The following PFKL variants were observed in gnomAD, a reference collection of about 807,000 sequenced individuals.
The protein encoded by PFKL is ATP-dependent 6-phosphofructokinase, liver type.
PFKL carries 74 observed loss-of-function variants against 92.1 expected under a neutral mutation model. The observed-to-expected ratio is 0.80, with a 90% confidence interval of 0.67 to 0.97. The LOEUF (loss-of-function observed/expected upper bound fraction) is 0.97. Ranked by LOEUF, PFKL falls within the 50% of genes least tolerant of loss-of-function variation. PFKL has a pLI of 0.00. For missense variants in PFKL, 1,028 were observed against 1,116.6 expected (o/e 0.92, Z 1.13); for synonymous variants, 494 against 456.4 (o/e 1.08, Z -1.05).
At chr21:44,305,502 G>A (rs375088662) in intron 1 of PFKL, 28 of 1,172,928 alleles carry the variant, frequency 2.4e-5, no homozygotes, top group South Asian at 2.6e-5. Context: ...CAGAGGACCC[G>A]CATGGCTTAG....
At chr21:44,305,634 C>T (rs1972268) in intron 1 of PFKL, among the ~76,000 whole-genome samples, 49,448 of 151,902 alleles carry the variant, frequency 0.33, 8,382 homozygotes, top group East Asian at 0.62. Flanking sequence ...GGACCCTGGC[C>T]GCTGGCGTGG....
intron 2 of PFKL, among the ~76,000 whole-genome samples, chr21:44,308,386 C>T (rs186679548): frequency 1.3e-5 from 2 of 152,062 alleles, no homozygotes; most frequent in Non-Finnish European, 2.9e-5. Context: ...GGAAGACTTC[C>T]CCTCCGTCCC....
chr21:44,325,741 A>T, intron 19 of PFKL: 1 of 568,776 alleles, frequency 1.8e-6, no homozygotes, highest in Non-Finnish European at 3.1e-6. Context: ...GGGGCAGCCG[A>T]CTGCCGGCCT....
Position 44,306,001 on chromosome 21 carries a change from T to G in PFKL, c.86-680T>G, listed in dbSNP as rs939818918. On this transcript the variant is annotated intron_variant, in intron 1 of 21. Transcript: ENST00000349048. Reference sequence around the variant, plus strand: ...CCTGGGTGGCTGAGGCCGGAGGGGCTCTGTTCTCAGTCCCCCATCTCATTG... The same window carrying G: ...CCTGGGTGGCTGAGGCCGGAGGGGCGCTGTTCTCAGTCCCCCATCTCATTG... The G allele has an allele frequency of 1.6e-5, 19 of 1,172,752 alleles. No individual in the cohort carries two copies. The African/African-American group carries it at 4.5e-4, about 28-fold the overall frequency. The allele number at this position is 1,172,752 out of a possible 1,614,324, so 72.6% of individuals were successfully genotyped here. A position where few individuals can be genotyped will look rare whatever the true frequency, so the allele number is the denominator to read the frequency against.
chr21:44,322,312 C>T, intron 14 of PFKL, 109 bp downstream of exon 14: 5 of 1,006,044 alleles, frequency 5.0e-6, no homozygotes, highest in Non-Finnish European at 7.2e-6. Context: ...TGGGCTCGGC[C>T]CCTCTTCCTG....
chr21:44,318,367 T>C, intron 9 of PFKL, 103 bp from the exon 10 acceptor site: 1 of 1,261,016 alleles, frequency 7.9e-7, no homozygotes, highest in Non-Finnish European at 1.0e-6. Context: ...TCCGTCAGCG[T>C]GGGGGGCTCT....
intron 1 of PFKL, chr21:44,305,281 C>T (rs1391245848): frequency 2.2e-6 from 3 of 1,353,108 alleles, no homozygotes; most frequent in East Asian, 9.4e-5. Flanking sequence ...CTCACACCTG[C>T]TCCCTGCTGC....
chr21:44,313,872 C>G, intron 6 of PFKL, 41 bp from the exon 7 acceptor site: 1 of 1,491,238 alleles, frequency 6.7e-7, no homozygotes, highest in Non-Finnish European at 9.1e-7. Context: ...CCCTCAACGG[C>G]TGGGTGGGGG....
chr21:44,326,846 T>C lies in PFKL; in HGVS notation c.2327T>C (p.Met776Thr), dbSNP rs1280068157. 1.2e-6 allele frequency: 2 copies of C among 1,609,810 alleles called. No homozygotes were observed. Among genetic ancestry groups the C allele is most frequent in the Non-Finnish European group, 1.7e-6 (2 of 1,178,720 alleles). ...CACGTGACCCGCCGCACCCTGAGCA[T>C]GGACAAGGGCTTCTGAGGCCAGCCA... ...LEHVTRRTLS[M>T]DKGF The change falls in exon 22 of 22, where the codon ATG becomes ACG. Residue 776 changes from methionine (M) to threonine (T), a missense_variant. Coordinates refer to ENST00000349048, the MANE Select transcript of PFKL (RefSeq NM_002626.6).
intron 1 of PFKL, chr21:44,306,041 C>T (rs947023236): frequency 2.7e-4 from 171 of 642,382 alleles, no homozygotes; most frequent in Non-Finnish European, 3.2e-4. Flanking sequence ...GGAAGGAGCC[C>T]AAGCCCCTTC....
intron 9 of PFKL, 85 bp downstream of exon 9, chr21:44,316,609 T>G (rs923514375): frequency 7.1e-6 from 7 of 990,304 alleles, no homozygotes; most frequent in African/African-American, 1.6e-5. Flanking sequence ...CACGCGAGCA[T>G]GGCACGTGCA....
intron 9 of PFKL, among the ~76,000 whole-genome samples, chr21:44,318,263 G>C (rs974727518): frequency 3.3e-5 from 5 of 152,242 alleles, no homozygotes; most frequent in African/African-American, 1.2e-4. Context: ...CCTTCCAGCA[G>C]GGCAGCGAGG....
In PFKL at chr21:44,313,009, C is replaced by T. The variant is rs1300203271; in HGVS notation, c.459C>T (p.Tyr153=). The change falls in exon 5 of 22, where the codon TAC becomes TAT. Residue 153 remains tyrosine (Y), a synonymous_variant. Transcript: ENST00000349048. Reference sequence around the variant, plus strand: ...TCTCAGAGACTACAGCCCGGACCTACTCGCACCTGAACATCGCGGGCCTAG... The same window carrying T: ...TCTCAGAGACTACAGCCCGGACCTATTCGCACCTGAACATCGCGGGCCTAG... ...GKISETTART[Y]SHLNIAGLVG... is the part of the protein sequence containing the mutation. 6 of 1,613,138 alleles carry T rather than the reference C, an allele frequency of 3.7e-6. No individual in the cohort carries two copies. In the Admixed American group the frequency reaches 5.0e-5, roughly 13 times the overall value.
At chr21:44,314,351 G>A in intron 7 of PFKL, 2 of 314,004 alleles carry the variant, frequency 6.4e-6, no homozygotes, top group South Asian at 9.2e-5. Flanking sequence ...GTGGGAGGTG[G>A]TTGGTTGTGA....
rs140871868 is a variant in PFKL, at chr21:44,302,655, A to G, written c.85+2465A>G. Among the ~76,000 whole-genome samples, 578 of 152,270 alleles carry G rather than the reference A, an allele frequency of 3.8e-3. 5 individuals carry two copies. Among genetic ancestry groups the G allele is most frequent in the African/African-American group, 0.013 (539 of 41,552 alleles). On this transcript the variant is annotated intron_variant, in intron 1 of 21. Coordinates refer to ENST00000349048, the MANE Select transcript of PFKL (RefSeq NM_002626.6). ...GGACTGGGAGGCACTTTCTGCCCCA[A>G]TGCTGAAGTCTGCGTTTGTTGGATG...
intron 1 of PFKL, chr21:44,305,501 C>CTTAG: frequency 8.4e-7 from 1 of 1,193,814 alleles, no homozygotes; most frequent in Non-Finnish European, 1.1e-6. Context: ...ACAGAGGACC[C>CTTAG]GCATGGCTTA....
chr21:44,319,494 T>C (rs1040762097), intron 11 of PFKL, 79 bp downstream of exon 11: 19 of 1,218,478 alleles, frequency 1.6e-5, no homozygotes, highest in Admixed American at 1.2e-4. Context: ...AGTGGCGCTA[T>C]GCACGCCTGG....
chr21:44,307,141 G>T (rs2040973517), intron 2 of PFKL: 3 of 292,622 alleles, frequency 1.0e-5, no homozygotes, highest in Admixed American at 6.5e-5. Flanking sequence ...TGTGAGTGGG[G>T]GCCAGGGACC....
Position 44,318,590 on chromosome 21 carries a change from C to A in PFKL, c.1057C>A (p.Gln353Lys). 1.3e-6 allele frequency: 2 copies of A among 1,511,004 alleles called. No individual in the cohort carries two copies. The highest frequency in any genetic ancestry group is 8.9e-7 in the Non-Finnish European group (1 of 1,118,542). 93.6% of individuals were successfully genotyped at this position (1,511,004 alleles called of 1,614,324 possible). A position where few individuals can be genotyped will look rare whatever the true frequency, so the allele number is the denominator to read the frequency against. Reference sequence around the variant, plus strand: ...GCGGCTGCCCCTCATGGAGTGCGTGCAGATGGTAAGCCCTGGGCCCCCCCC... The same window carrying A: ...GCGGCTGCCCCTCATGGAGTGCGTGAAGATGGTAAGCCCTGGGCCCCCCCC... ...SVRLPLMECV[Q>K]MTKEVQKAMD... The change falls in exon 10 of 22, where the codon CAG (glutamine) becomes AAG (lysine). Residue 353 changes from glutamine to lysine, a missense_variant. Transcript: ENST00000349048.
Sources: gnomAD v4.1 joint callset for allele counts (sites outside exome capture counted in the v4.1 genomes callset) on GRCh38, gnomAD v4.1.1 for gene constraint, MANE v1.5 for transcripts, NCBI Gene and HGNC (gene_info 2026-07-23, HGNC 2026-07-21) for gene names.